Variants in STARD9 observed in about 807,000 individuals in gnomAD.
STARD9 encodes StAR related lipid transfer domain containing 9.
In STARD9, 346 loss-of-function variants were observed where a neutral mutation model predicts 399.8. The observed-to-expected ratio is 0.87, with a 90% confidence interval of 0.79 to 0.95. STARD9 has a LOEUF of 0.95. STARD9 is among the 40% of genes least tolerant of loss of function. STARD9 has a pLI of 0.00. For missense variants in STARD9, 5,832 were observed against 5,667.5 expected (o/e 1.03, Z -0.93); for synonymous variants, 2,203 against 2,143.5 (o/e 1.03, Z -0.77).
intron 3 of STARD9, among the ~76,000 whole-genome samples, chr15:42,589,908 A>T (rs1467816017): frequency 2.1e-5 from 3 of 143,966 alleles, no homozygotes; most frequent in Non-Finnish European, 4.5e-5. Context: ...CCTGGCCAAG[A>T]TTCATCTTTA....
At chr15:42,583,048 A>G (rs80347429) in intron 1 of STARD9, among the ~76,000 whole-genome samples, 5,644 of 152,278 alleles carry the variant, frequency 0.037, 372 homozygotes, top group African/African-American at 0.13. Context: ...TGTCAGGAGG[A>G]TACGTAGGAG....
In STARD9 at chr15:42,685,960, G is replaced by A. The variant is rs1278057722; in HGVS notation, c.4382G>A (p.Ser1461Asn). 4 of 1,537,074 alleles carry A rather than the reference G, an allele frequency of 2.6e-6. No individual in the cohort carries two copies. In the African/African-American group the frequency reaches 4.1e-5, roughly 16 times the overall value. Residue 1461 changes from serine to asparagine, a missense_variant, in exon 23 of 33, where the codon AGC becomes AAC. Transcript: ENST00000290607. ...QGSSEASHNS[S>N]VSNVLAASAT... ...AGCTCTGAAGCATCCCACAATTCTA[G>A]CGTATCAAACGTGCTGGCTGCCTCT...
At position 42,684,574 on chromosome 15, in the gene STARD9, A is replaced by G. The variant is rs1253508529; in HGVS notation, c.2996A>G (p.His999Arg). 6.5e-7 allele frequency: 1 copy of G among 1,537,258 alleles called. No individual in the cohort carries two copies. The highest frequency in any genetic ancestry group is 1.2e-5 in the South Asian group (1 of 84,066). Residue 999 changes from histidine (H) to arginine (R), a missense_variant, in exon 23 of 33, where the codon CAC (histidine) becomes CGC (arginine). Coordinates refer to ENST00000290607, the MANE Select transcript of STARD9 (RefSeq NM_020759.3). ...CGAAAAGAAGGGAACCTTGGGACCC[A>G]CAAGGCTGCTAAGGGAGCCAGTTGC... ...GWRKEGNLGT[H>R]KAAKGASCNS...
At chr15:42,580,874 T>C (rs147086282) in intron 1 of STARD9, among the ~76,000 whole-genome samples, 1 of 152,234 alleles carries the variant, frequency 6.6e-6, no homozygotes, top group African/African-American at 2.4e-5. Flanking sequence ...TGCTTAGCGC[T>C]ACAGAAATAC....
intron 12 of STARD9, 43 bp downstream of exon 12, chr15:42,663,533 T>TCTA: frequency 6.7e-7 from 1 of 1,493,718 alleles, no homozygotes; most frequent in East Asian, 2.5e-5. Flanking sequence ...GGACTGGTAC[T>TCTA]CTATCTCAGA....
At chr15:42,670,703 C>T (rs746852871) in intron 16 of STARD9, 5 of 152,194 alleles carry the variant, frequency 3.3e-5, no homozygotes, top group Admixed American at 6.5e-5. Context: ...CAAAGCTCAT[C>T]GGTGTTCTTA....
intron 9 of STARD9, among the ~76,000 whole-genome samples, chr15:42,658,288 G>GGT (rs56286330): frequency 0.05 from 7,325 of 145,860 alleles, 235 homozygotes; most frequent in Non-Finnish European, 0.063. Context: ...GGGACTTACA[G>GGT]GTGTGTGTGT....
chr15:42,709,315 G>A (rs1182670364), intron 26 of STARD9, among the ~76,000 whole-genome samples: 3 of 152,114 alleles, frequency 2.0e-5, no homozygotes. Context: ...GATCGCTTGA[G>A]CCTGGAGGGG....
chr15:42,699,908 T>C (rs1441270539), intron 26 of STARD9, among the ~76,000 whole-genome samples: 3 of 152,064 alleles, frequency 2.0e-5, no homozygotes, highest in African/African-American at 7.2e-5. Context: ...GTTTTCACCA[T>C]GTTAGCTAGG....
chr15:42,583,892 C>A (rs562053554), intron 2 of STARD9, among the ~76,000 whole-genome samples: 1 of 152,168 alleles, frequency 6.6e-6, no homozygotes, highest in East Asian at 1.9e-4. Flanking sequence ...TCTTTCAGAT[C>A]CCAGAAGGGA....
At chr15:42,718,363 C>T (rs2061389959) in intron 30 of STARD9, 72 bp from the exon 31 acceptor site, 5 of 1,358,580 alleles carry the variant, frequency 3.7e-6, no homozygotes, top group Non-Finnish European at 5.1e-6. Context: ...GGGGAGGGCT[C>T]CCTGACCAGG....
In STARD9 at chr15:42,606,148, A is replaced by T. The variant is rs552867792; in HGVS notation, c.234+20511A>T. On this transcript the variant is annotated intron_variant, in intron 3 of 32. Coordinates refer to ENST00000290607, the MANE Select transcript of STARD9 (RefSeq NM_020759.3). ...CTTCCAGGTACTGTATTGAGTACTT[A>T]TCACCTTCACAACAACCCTGTAAAG... Among the ~76,000 whole-genome samples, 8 of 152,322 alleles carry T rather than the reference A, an allele frequency of 5.3e-5. No individual in the cohort carries two copies. In the East Asian group the frequency reaches 1.5e-3, roughly 29 times the overall value.
At chr15:42,665,995 G>A (rs575807802) in intron 15 of STARD9, 147 bp downstream of exon 15, 17 of 700,578 alleles carry the variant, frequency 2.4e-5, no homozygotes, top group Admixed American at 1.4e-4. Flanking sequence ...AGCCTTGACC[G>A]GGGGATGTGT....
chr15:42,666,871 G>A (rs1210224376), intron 15 of STARD9, among the ~76,000 whole-genome samples: 10 of 149,500 alleles, frequency 6.7e-5, no homozygotes, highest in East Asian at 6.1e-4. Flanking sequence ...CTGGAGTGCA[G>A]CGTTGTGATC....
At chr15:42,643,179 A>G (rs2059574712) in intron 7 of STARD9, among the ~76,000 whole-genome samples, 1 of 152,040 alleles carries the variant, frequency 6.6e-6, no homozygotes, top group Non-Finnish European at 1.5e-5. Context: ...TACTTTATCA[A>G]AGTTACCCTT....
chr15:42,707,732 T>C (rs1882059641), intron 26 of STARD9, among the ~76,000 whole-genome samples: 1 of 152,004 alleles, frequency 6.6e-6, no homozygotes, highest in South Asian at 2.1e-4. Flanking sequence ...ATGAGATATA[T>C]TACTATTTGT....
In STARD9 at chr15:42,607,042, G is replaced by A. The variant is rs1451542214; in HGVS notation, c.234+21405G>A. The stretch of plus-strand genomic sequence containing the variant: ...AGCTCACTGCAGCCTCTATCTCCCG[G>A]GCTCAAGTGATCCTACCACCTTAGC... On this transcript the variant is annotated intron_variant, in intron 3 of 32. Coordinates refer to ENST00000290607, the MANE Select transcript of STARD9 (RefSeq NM_020759.3). 2.0e-5 allele frequency among the ~76,000 whole-genome samples: 3 copies of A among 151,738 alleles called. No individual in the cohort carries two copies. In the East Asian group the frequency reaches 5.8e-4, roughly 29 times the overall value.
intron 3 of STARD9, among the ~76,000 whole-genome samples, chr15:42,621,767 C>A (rs2059098137): frequency 6.6e-6 from 1 of 152,174 alleles, no homozygotes; most frequent in South Asian, 2.1e-4. Flanking sequence ...TGCAAGGAGA[C>A]AGCTTTAGGC....
intron 16 of STARD9, chr15:42,672,765 T>C (rs1231050208): frequency 6.6e-6 from 1 of 152,220 alleles, no homozygotes; most frequent in Non-Finnish European, 1.5e-5. Context: ...CTCTGGCTGC[T>C]GACAGTGAAG....
Sources: gnomAD v4.1 joint callset for allele counts (sites outside exome capture counted in the v4.1 genomes callset) on GRCh38, gnomAD v4.1.1 for gene constraint, MANE v1.5 for transcripts, NCBI Gene and HGNC (gene_info 2026-07-23, HGNC 2026-07-21) for gene names.